LYSMD4: variants seen among roughly 807,000 people sequenced by gnomAD.
LYSMD4 encodes the protein lysM and putative peptidoglycan-binding domain-containing protein 4.
LYSMD4 carries 9 observed loss-of-function variants against 6.1 expected under a neutral mutation model. The observed-to-expected ratio is 1.47, with a 90% CI of 0.88 to 2.56. The LOEUF is 2.56. Among genes scored for constraint, LYSMD4 ranks in the 30% most tolerant of loss-of-function variants. LYSMD4 has a pLI of 0.00. For synonymous variants in LYSMD4, 143 were observed against 148.5 expected (o/e 0.96, Z 0.27); for missense variants, 384 against 373.5 (o/e 1.03, Z -0.23).
chr15:99,728,840 T>A lies in LYSMD4; in HGVS notation c.*283A>T, dbSNP rs781631693. 5.2e-5 allele frequency: 23 copies of A among 443,144 alleles called. No individual in the cohort carries two copies. The highest frequency in any genetic ancestry group is 9.1e-5 in the Non-Finnish European group (22 of 240,800). 27.5% of individuals were successfully genotyped at this position (443,144 alleles called of 1,614,324 possible). A position where few individuals can be genotyped will look rare whatever the true frequency, so the allele number is the denominator to read the frequency against. ...ACGTCCAACTTGGGGGTCCTCACAGTGCTGCTATGAACTGGCCAGTCCACT... is the reference window on the plus strand; with the variant it reads ...ACGTCCAACTTGGGGGTCCTCACAGAGCTGCTATGAACTGGCCAGTCCACT... On this transcript the variant is annotated 3_prime_UTR_variant, in exon 3 of 3. Coordinates refer to ENST00000684762, the MANE Select transcript of LYSMD4 (RefSeq NM_001284417.2).
intron 2 of LYSMD4, chr15:99,731,164 C>G: frequency 6.2e-7 from 1 of 1,611,386 alleles, no homozygotes; most frequent in Non-Finnish European, 8.5e-7. Flanking sequence ...GAAATACTTT[C>G]CTACTTACTT....
downstream of LYSMD4, among the ~76,000 whole-genome samples, chr15:99,723,276 G>T (rs568615561): frequency 6.6e-6 from 1 of 152,112 alleles, no homozygotes; most frequent in Non-Finnish European, 1.5e-5. Context: ...AAGAAACAAT[G>T]AGCCCCAAAC....
At chr15:99,729,969 G>C (rs1474001617) in intron 2 of LYSMD4, among the ~76,000 whole-genome samples, 1 of 152,172 alleles carries the variant, frequency 6.6e-6, no homozygotes, top group Non-Finnish European at 1.5e-5. Context: ...AAGATTTACA[G>C]GTTTGAACAA....
At position 99,729,422 on chromosome 15, in the gene LYSMD4, G is replaced by T. The variant is rs2059347164; in HGVS notation, c.592C>A (p.Gln198Lys). The T allele has an allele frequency of 6.2e-7, 1 of 1,614,218 alleles. No homozygotes were observed. Among genetic ancestry groups the T allele is most frequent in the African/African-American group, 1.3e-5 (1 of 75,058 alleles). ...TTCGGAGGTGCCGGGAGCAGTGGCT[G>T]ATGGGAGGTGTCCATGCAGTAACTT... is the stretch of plus-strand genomic sequence containing the variant. ...HESYCMDTSH[Q>K]PLLPAPPKTP... The change falls in exon 3 of 3, where the codon CAG (glutamine) becomes AAG (lysine). Residue 198 changes from glutamine (Q) to lysine (K), a missense_variant. By Grantham distance (53) the Gln-to-Lys change is moderately conservative. Coordinates refer to ENST00000684762, the MANE Select transcript of LYSMD4 (RefSeq NM_001284417.2).
rs374809984 is a variant in LYSMD4, at chr15:99,728,996, G to C, written c.*127C>G. 7.6e-7 allele frequency: 1 copy of C among 1,315,836 alleles called. No individual in the cohort carries two copies. Among genetic ancestry groups the C allele is most frequent in the African/African-American group, 1.5e-5 (1 of 68,726 alleles). The allele number at this position is 1,315,836 out of a possible 1,614,324, so 81.5% of individuals were successfully genotyped here. On this transcript the variant is annotated 3_prime_UTR_variant, in exon 3 of 3. Coordinates refer to ENST00000684762, the MANE Select transcript of LYSMD4 (RefSeq NM_001284417.2). ...GGCCAGTGCAATTGGGAATACTGCA[G>C]TGACTTCTGAAAAGTGTCCATCCTT...
chr15:99,715,941 T>C (rs1234026785), exon 1 of LYSMD4: 1 of 153,254 alleles, frequency 6.5e-6, no homozygotes, highest in African/African-American at 2.4e-5. Flanking sequence ...ACAATACATG[T>C]TTTACCCTTT....
downstream of LYSMD4, among the ~76,000 whole-genome samples, chr15:99,723,112 A>G (rs568219744): frequency 6.6e-6 from 1 of 152,308 alleles, no homozygotes; most frequent in Non-Finnish European, 1.5e-5. Context: ...AAACAGCAAT[A>G]GAAACTATCC....
intron 2 of LYSMD4, 82 bp downstream of exon 2, chr15:99,731,636 G>C (rs1445009511): frequency 6.6e-7 from 1 of 1,521,410 alleles, no homozygotes; most frequent in Non-Finnish European, 8.8e-7. Context: ...GGTTAAGAAG[G>C]GCGGCAAGGG....
At chr15:99,723,376 ATT>A (rs960000581), downstream of LYSMD4, among the ~76,000 whole-genome samples, 20 of 152,270 alleles carry the variant, frequency 1.3e-4, no homozygotes, top group Admixed American at 5.2e-4. Flanking sequence ...TAGATTCTGC[ATT>A]TGTCTGTTGA....
chr15:99,721,176 G>T (rs1209058276), upstream of LYSMD4, among the ~76,000 whole-genome samples: 2 of 152,150 alleles, frequency 1.3e-5, no homozygotes, highest in Non-Finnish European at 2.9e-5. Flanking sequence ...GACCTGCAGG[G>T]GTATCAAGGA....
At chr15:99,721,422 G>C, upstream of LYSMD4, among the ~76,000 whole-genome samples, 1 of 152,312 alleles carries the variant, frequency 6.6e-6, no homozygotes, top group African/African-American at 2.4e-5. Flanking sequence ...TAACTACTCA[G>C]CTGAGCTAAG....
upstream of LYSMD4, among the ~76,000 whole-genome samples, chr15:99,718,155 T>G (rs911541054): frequency 6.6e-6 from 1 of 152,260 alleles, no homozygotes; most frequent in African/African-American, 2.4e-5. Flanking sequence ...GCTTTTCTTA[T>G]ATAACCTTTG....
At chr15:99,719,030 G>T (rs761381183), upstream of LYSMD4, among the ~76,000 whole-genome samples, 3 of 152,156 alleles carry the variant, frequency 2.0e-5, no homozygotes, top group Non-Finnish European at 2.9e-5. Flanking sequence ...TTCTCCTGTG[G>T]TGGGGAACCC....
upstream of LYSMD4, among the ~76,000 whole-genome samples, chr15:99,720,109 A>G (rs1456577540): frequency 6.6e-6 from 1 of 152,108 alleles, no homozygotes; most frequent in East Asian, 1.9e-4. Flanking sequence ...TTTTTGTGGT[A>G]CTTTAGTCAC....
chr15:99,731,414 TA>T, intron 2 of LYSMD4: 1 of 1,611,534 alleles, frequency 6.2e-7, no homozygotes, highest in Non-Finnish European at 8.5e-7. Context: ...AGGTCTAAAA[TA>T]AAATGTGCTC....
At chr15:99,722,534 G>C (rs1469580575), downstream of LYSMD4, among the ~76,000 whole-genome samples, 1 of 152,164 alleles carries the variant, frequency 6.6e-6, no homozygotes, top group African/African-American at 2.4e-5. Flanking sequence ...AGAAAAACAA[G>C]AACATACAAT....
At chr15:99,731,656 T>G (rs1232232747) in intron 2 of LYSMD4, 62 bp downstream of exon 2, 24 of 1,527,530 alleles carry the variant, frequency 1.6e-5, no homozygotes, top group Non-Finnish European at 2.6e-6. Context: ...GCACCCACCC[T>G]GCAGTGAGTT....
downstream of LYSMD4, among the ~76,000 whole-genome samples, chr15:99,724,550 C>T (rs1408937310): frequency 6.6e-6 from 1 of 152,234 alleles, no homozygotes; most frequent in Non-Finnish European, 1.5e-5. Flanking sequence ...CAGGCGTGAG[C>T]CACTGCGCCC....
Position 99,716,684 on chromosome 15 carries a change from C to G in LYSMD4, c.114G>C (p.Pro38=), listed in dbSNP as rs757358238. Residue 38 remains proline, a synonymous_variant, in exon 1 of 1, where the codon CCG becomes CCC. Coordinates refer to the LYSMD4 transcript ENST00000378904. ...CACTGGCCTCCCCCTTGTCGGCTCC[C>G]GGGTCATCCCTGCTGGGCAGCCCTG... 36 of 456,790 alleles carry G rather than the reference C, an allele frequency of 7.9e-5. 1 individual carries two copies. Among genetic ancestry groups the G allele is most frequent in the South Asian group, 5.6e-4 (36 of 64,570 alleles). 28.3% of individuals were successfully genotyped at this position (456,790 alleles called of 1,614,324 possible).
Sources: gnomAD v4.1 joint callset for allele counts (sites outside exome capture counted in the v4.1 genomes callset) on GRCh38, gnomAD v4.1.1 for gene constraint, MANE v1.5 for transcripts, NCBI Gene and HGNC (gene_info 2026-07-23, HGNC 2026-07-21) for gene names.